CMSS1: variants seen among roughly 807,000 people sequenced by gnomAD.
CMSS1 encodes the protein cms1 ribosomal small subunit homolog, also known as protein CMSS1.
CMSS1 carries 33 observed loss-of-function variants against 43.5 expected under a neutral mutation model. That is an observed-to-expected ratio of 0.76 (90% CI 0.57 to 1.01). The LOEUF (loss-of-function observed/expected upper bound fraction) is 1.01, where lower values mean the gene tolerates loss of function less well. Among genes scored for constraint, CMSS1 ranks in the 50% least tolerant of loss-of-function variants. The pLI is 0.00. For synonymous variants in CMSS1, 115 were observed against 117.2 expected (o/e 0.98, Z 0.12); for missense variants, 313 against 326.4 (o/e 0.96, Z 0.32).
chr3:100,045,962 G>A (rs1224446180), intron 1 of CMSS1, among the ~76,000 whole-genome samples: 9 of 152,124 alleles, frequency 5.9e-5, no homozygotes. Flanking sequence ...GAGAAGGGAA[G>A]GGGAAGAAGC....
chr3:100,051,044 T>A (rs2065362983), intron 1 of CMSS1, among the ~76,000 whole-genome samples: 1 of 152,162 alleles, frequency 6.6e-6, no homozygotes, highest in Admixed American at 6.5e-5. Context: ...AATAGAGAAA[T>A]CACATAAAAG....
Position 100,073,675 on chromosome 3 carries a change from GC to G in CMSS1, c.65-73296del, listed in dbSNP as rs1160456723. On this transcript the variant is annotated intron_variant, in intron 1 of 9. Transcript: ENST00000421999. ...CATGCCAGTAATAAACCTTGAGGAA[GC>G]CTAGGAAATAACCCACTGGTCTGTC... Among the ~76,000 whole-genome samples, 9 of 152,304 alleles carry G rather than the reference GC, an allele frequency of 5.9e-5. No individual in the cohort carries two copies. The East Asian group carries it at 1.7e-3, about 29-fold the overall frequency.
intron 1 of CMSS1, among the ~76,000 whole-genome samples, chr3:99,979,692 T>C (rs1024817260): frequency 2.0e-5 from 3 of 152,212 alleles, no homozygotes; most frequent in Admixed American, 6.5e-5. Flanking sequence ...AAAATACCAT[T>C]AGCTTTTTAT....
chr3:99,970,880 T>G (rs1212552658), intron 1 of CMSS1, among the ~76,000 whole-genome samples: 1 of 152,142 alleles, frequency 6.6e-6, no homozygotes, highest in African/African-American at 2.4e-5. Flanking sequence ...TGGATGCAAT[T>G]AAAGGGAAAA....
At chr3:99,963,661 G>C (rs551216703) in intron 1 of CMSS1, among the ~76,000 whole-genome samples, 465 of 152,058 alleles carry the variant, frequency 3.1e-3, no homozygotes, top group African/African-American at 0.011. Flanking sequence ...GCCCAGGCTG[G>C]AGTGCAGTGG....
intron 1 of CMSS1, among the ~76,000 whole-genome samples, chr3:100,028,220 C>G (rs2064962499): frequency 6.6e-6 from 1 of 152,172 alleles, no homozygotes; most frequent in Non-Finnish European, 1.5e-5. Context: ...CCCAGTTTTG[C>G]AGATGAGGAA....
intron 1 of CMSS1, among the ~76,000 whole-genome samples, chr3:99,997,694 T>C (rs934338914): frequency 3.9e-5 from 6 of 152,198 alleles, no homozygotes; most frequent in Admixed American, 3.9e-4. Flanking sequence ...AAGTGAATAA[T>C]AGAGCAGATT....
chr3:99,889,005 G>A (rs1484305053), intron 1 of CMSS1, among the ~76,000 whole-genome samples: 2 of 152,022 alleles, frequency 1.3e-5, no homozygotes, highest in South Asian at 2.1e-4. Flanking sequence ...TCTATCCTTT[G>A]ACATTAAGGT....
intron 1 of CMSS1, among the ~76,000 whole-genome samples, chr3:99,909,734 G>A (rs1483710796): frequency 6.6e-6 from 1 of 152,128 alleles, no homozygotes; most frequent in Admixed American, 6.5e-5. Flanking sequence ...ACTTAAAGTT[G>A]CTATCAGTTA....
intron 1 of CMSS1, among the ~76,000 whole-genome samples, chr3:100,030,699 T>G (rs1341729870): frequency 2.0e-5 from 3 of 152,174 alleles, no homozygotes; most frequent in African/African-American, 7.2e-5. Flanking sequence ...CAATAACTGC[T>G]GCTTTTCCTC....
At chr3:99,936,868 T>C (rs946002415) in intron 1 of CMSS1, among the ~76,000 whole-genome samples, 16 of 152,170 alleles carry the variant, frequency 1.1e-4, no homozygotes, top group African/African-American at 3.9e-4. Flanking sequence ...AACAAACATT[T>C]ATGAAATGAA....
chr3:99,926,128 T>C (rs1707285810), intron 1 of CMSS1, among the ~76,000 whole-genome samples: 1 of 152,220 alleles, frequency 6.6e-6, no homozygotes, highest in African/African-American at 2.4e-5. Flanking sequence ...TTAAGTTGTG[T>C]ATCCTAAAAA....
chr3:100,052,318 T>A (rs1471142763), intron 1 of CMSS1, among the ~76,000 whole-genome samples: 1 of 152,254 alleles, frequency 6.6e-6, no homozygotes, highest in Middle Eastern at 3.2e-3. Flanking sequence ...AATAACCTTC[T>A]TATTGAATGG....
intron 1 of CMSS1, chr3:99,930,770 T>C (rs762316518): frequency 6.2e-7 from 1 of 1,613,204 alleles, no homozygotes; most frequent in Admixed American, 1.7e-5. Flanking sequence ...CCAGCTGACC[T>C]GCAGTTCTCC....
rs543350940 is a variant in CMSS1, at chr3:100,070,187, C to T, written c.65-76786C>T. ...ACAGCCAGAGCATGATTCTGAACTC[C>T]TTTAATGTGAGAAACACTGAATATC... On this transcript the variant is annotated intron_variant, in intron 1 of 9. Coordinates refer to ENST00000421999, the MANE Select transcript of CMSS1 (RefSeq NM_032359.4). 2.4e-3 allele frequency among the ~76,000 whole-genome samples: 370 copies of T among 152,248 alleles called. 1 individual carries two copies. Among genetic ancestry groups the T allele is most frequent in the African/African-American group, 8.4e-3 (348 of 41,528 alleles).
chr3:100,036,792 TTA>T (rs200789326), intron 1 of CMSS1, among the ~76,000 whole-genome samples: 1,547 of 152,278 alleles, frequency 0.01, 33 homozygotes, highest in African/African-American at 0.035. Context: ...TAGTGACACT[TTA>T]ACCAAGTGAT....
chr3:100,156,914 T>C (rs2066980661), intron 2 of CMSS1, among the ~76,000 whole-genome samples: 3 of 152,066 alleles, frequency 2.0e-5, no homozygotes, highest in African/African-American at 7.2e-5. Context: ...CACGCCTGGC[T>C]GTTTTTTGTT....
chr3:100,004,172 GT>G (rs1385925519), intron 1 of CMSS1, among the ~76,000 whole-genome samples: 2 of 152,058 alleles, frequency 1.3e-5, no homozygotes, highest in Non-Finnish European at 2.9e-5. Context: ...TAAATTGAGG[GT>G]TTTTTCCCCC....
At chr3:100,162,698 G>T (rs1008151270) in intron 4 of CMSS1, among the ~76,000 whole-genome samples, 3 of 152,174 alleles carry the variant, frequency 2.0e-5, no homozygotes, top group Non-Finnish European at 4.4e-5. Context: ...TTCAGGCCAG[G>T]CACAGTGGCT....
Sources: gnomAD v4.1 joint callset for allele counts (sites outside exome capture counted in the v4.1 genomes callset) on GRCh38, gnomAD v4.1.1 for gene constraint, MANE v1.5 for transcripts, NCBI Gene and HGNC (gene_info 2026-07-23, HGNC 2026-07-21) for gene names.